Variants in WDR64 observed in about 807,000 individuals in gnomAD.
The protein encoded by WDR64 is WD repeat-containing protein 64.
In WDR64, 112 loss-of-function variants were observed where a neutral mutation model predicts 139.3. That is an observed-to-expected ratio of 0.80 (90% CI 0.69 to 0.94). WDR64 has a LOEUF of 0.94. Ranked by LOEUF, WDR64 falls within the 40% of genes least tolerant of loss-of-function variation. WDR64 has a pLI of 0.00. For missense variants in WDR64, 1,206 were observed against 1,293.1 expected (o/e 0.93, Z 1.03); for synonymous variants, 444 against 437.7 (o/e 1.01, Z -0.18).
chr1:241,780,454 T>A (rs1206779978), intron 22 of WDR64, among the ~76,000 whole-genome samples: 1 of 152,224 alleles, frequency 6.6e-6, no homozygotes, highest in African/African-American at 2.4e-5. Flanking sequence ...TTTAAGAATT[T>A]TTTTCTTATT....
Position 241,696,113 on chromosome 1 carries a change from C to CAAAAAAAAAAAAAAAAAA in WDR64, c.974+8529_974+8546dup, listed in dbSNP as rs541301982. ...TGTGGAATGGAATGAGACCCAGTATCAAAAAAAAAAAAAAAAAAAAAAAAA... is the reference window on the plus strand; with the variant it reads ...TGTGGAATGGAATGAGACCCAGTATCAAAAAAAAAAAAAAAAAAAAAAAAAAAAAAAAAAAAAAAAAAA... On this transcript the variant is annotated intron_variant, in intron 8 of 27. Transcript: ENST00000437684. Among the ~76,000 whole-genome samples, 34 of 22,322 alleles carry CAAAAAAAAAAAAAAAAAA rather than the reference C, an allele frequency of 1.5e-3. 8 individuals are homozygous for CAAAAAAAAAAAAAAAAAA. Among genetic ancestry groups the CAAAAAAAAAAAAAAAAAA allele is most frequent in the African/African-American group, 3.2e-3 (23 of 7,168 alleles). 14.6% of individuals were successfully genotyped at this position (22,322 alleles called of 152,430 possible). A position where few individuals can be genotyped will look rare whatever the true frequency, so the allele number is the denominator to read the frequency against.
intron 18 of WDR64, 75 bp from the exon 19 acceptor site, chr1:241,771,586 G>T: frequency 8.9e-7 from 1 of 1,117,492 alleles, no homozygotes. Flanking sequence ...ACTATCTGGA[G>T]AATTTAATCA....
chr1:241,758,758 C>G (rs1055218988), intron 15 of WDR64, among the ~76,000 whole-genome samples: 2 of 152,130 alleles, frequency 1.3e-5, no homozygotes, highest in African/African-American at 4.8e-5. Flanking sequence ...CCAGGTATGA[C>G]AAGATGATCC....
At chr1:241,729,477 G>A (rs1282447935) in intron 10 of WDR64, among the ~76,000 whole-genome samples, 1 of 152,080 alleles carries the variant, frequency 6.6e-6, no homozygotes, top group Non-Finnish European at 1.5e-5. Context: ...GGTTCTCTAG[G>A]GTCTGGAACA....
At chr1:241,653,439 T>G (rs1665441828) in intron 1 of WDR64, among the ~76,000 whole-genome samples, 1 of 152,172 alleles carries the variant, frequency 6.6e-6, no homozygotes, top group South Asian at 2.1e-4. Context: ...TAATAATTTA[T>G]AGTCATGTTA....
chr1:241,693,003 C>T (rs984138627), intron 8 of WDR64, among the ~76,000 whole-genome samples: 1 of 152,134 alleles, frequency 6.6e-6, no homozygotes, highest in Admixed American at 6.6e-5. Flanking sequence ...TCCGCTTGAC[C>T]GTTTCTTAAG....
chr1:241,704,774 G>A (rs963959402), intron 8 of WDR64, among the ~76,000 whole-genome samples: 1 of 152,132 alleles, frequency 6.6e-6, no homozygotes, highest in African/African-American at 2.4e-5. Context: ...GGTATTAAAT[G>A]GCTCTTTTCC....
intron 3 of WDR64, among the ~76,000 whole-genome samples, chr1:241,673,225 A>C (rs1666307675): frequency 6.6e-6 from 1 of 152,006 alleles, no homozygotes; most frequent in Non-Finnish European, 1.5e-5. Flanking sequence ...GATACACCTA[A>C]TGCTAAATGA....
intron 22 of WDR64, among the ~76,000 whole-genome samples, chr1:241,781,344 G>A (rs1039113129): frequency 6.6e-6 from 1 of 152,058 alleles, no homozygotes; most frequent in Non-Finnish European, 1.5e-5. Context: ...AACCTTTTCT[G>A]TACTCAGACA....
chr1:241,699,527 T>G (rs1237534542), intron 8 of WDR64, among the ~76,000 whole-genome samples: 2 of 151,870 alleles, frequency 1.3e-5, no homozygotes, highest in African/African-American at 4.8e-5. Flanking sequence ...ATGATACAGA[T>G]GTAAGAGAGG....
intron 25 of WDR64, among the ~76,000 whole-genome samples, chr1:241,794,684 T>C (rs1474423120): frequency 3.3e-5 from 5 of 152,004 alleles, no homozygotes; most frequent in Non-Finnish European, 7.4e-5. Context: ...AATTTTTATA[T>C]TTTTAGTAGA....
At chr1:241,753,772 A>G (rs1387223947) in intron 14 of WDR64, among the ~76,000 whole-genome samples, 1 of 152,210 alleles carries the variant, frequency 6.6e-6, no homozygotes, top group Non-Finnish European at 1.5e-5. Flanking sequence ...ATAGCAAACA[A>G]AAGTATAAGG....
chr1:241,696,282 C>T (rs944620941), intron 8 of WDR64, among the ~76,000 whole-genome samples: 8 of 151,896 alleles, frequency 5.3e-5, no homozygotes, highest in Non-Finnish European at 1.0e-4. Context: ...CTAACTCCCA[C>T]TACAGCTACT....
At chr1:241,713,445 G>T (rs1201796074) in intron 9 of WDR64, among the ~76,000 whole-genome samples, 4 of 135,206 alleles carry the variant, frequency 3.0e-5, no homozygotes, top group Non-Finnish European at 6.4e-5. Context: ...GGGAAGGAAA[G>T]AAAGGAAGGA....
chr1:241,748,948 A>AG (rs1415160145), intron 13 of WDR64, among the ~76,000 whole-genome samples: 23 of 151,552 alleles, frequency 1.5e-4, no homozygotes, highest in African/African-American at 5.5e-4. Context: ...TAAAAAAAAA[A>AG]AAAAGAAAGA....
Position 241,749,807 on chromosome 1 carries a change from C to T in WDR64, c.1770+85C>T, listed in dbSNP as rs1669913641. Reference sequence around the variant, plus strand: ...TCAGTGGATAATCCCCACCATGTAACCCCGCTCTTGGTAGCCAGCTGAAGA... The same window carrying T: ...TCAGTGGATAATCCCCACCATGTAATCCCGCTCTTGGTAGCCAGCTGAAGA... On this transcript the variant is annotated intron_variant, in intron 14 of 27. Transcript: ENST00000437684. 8 of 1,426,420 alleles carry T rather than the reference C, an allele frequency of 5.6e-6. No individual in the cohort carries two copies. In the Admixed American group the frequency reaches 1.3e-4, roughly 24 times the overall value. 88.4% of individuals were successfully genotyped at this position (1,426,420 alleles called of 1,614,324 possible). A position where few individuals can be genotyped will look rare whatever the true frequency, so the allele number is the denominator to read the frequency against.
chr1:241,708,697 T>TTG (rs1668050225), intron 8 of WDR64, among the ~76,000 whole-genome samples: 2 of 68,776 alleles, frequency 2.9e-5, no homozygotes, highest in African/African-American at 6.6e-5. Context: ...CCATGGTTTT[T>TTG]TTTTTTGTTT....
At chr1:241,696,961 T>G (rs541305867) in intron 8 of WDR64, among the ~76,000 whole-genome samples, 1 of 152,310 alleles carries the variant, frequency 6.6e-6, no homozygotes, top group South Asian at 2.1e-4. Flanking sequence ...CTCTGACACC[T>G]TGATCTCTTC....
Position 241,738,374 on chromosome 1 carries a change from G to A in WDR64, c.1206G>A (p.Val402=), listed in dbSNP as rs768514552. 6.2e-7 allele frequency: 1 copy of A among 1,613,166 alleles called. No homozygotes were observed. The highest frequency in any genetic ancestry group is 1.1e-5 in the South Asian group (1 of 90,768). The change falls in exon 11 of 28, where the codon GTG becomes GTA. Residue 402 remains valine, a synonymous_variant. Transcript: ENST00000437684. ...TGTTATTCTTCCAGGTTTTCCGGGTGTGGGATATACAAACTCTTTCACTAT... is the reference window on the plus strand; with the variant it reads ...TGTTATTCTTCCAGGTTTTCCGGGTATGGGATATACAAACTCTTTCACTAT... ...VSLSSAKVFR[V]WDIQTLSLLQ...
Sources: gnomAD v4.1 joint callset for allele counts (sites outside exome capture counted in the v4.1 genomes callset) on GRCh38, gnomAD v4.1.1 for gene constraint, MANE v1.5 for transcripts, NCBI Gene and HGNC (gene_info 2026-07-23, HGNC 2026-07-21) for gene names.